RBMS3: variants seen among roughly 807,000 people sequenced by gnomAD.
RBMS3 encodes the protein RNA-binding motif, single-stranded-interacting protein 3.
A neutral mutation model predicts 66.8 loss-of-function variants in RBMS3; 27 were observed. That is an observed-to-expected ratio of 0.40 (90% CI 0.30 to 0.56). RBMS3 has a LOEUF of 0.56. Ranked by LOEUF, RBMS3 falls within the 20% of genes least tolerant of loss-of-function variation. The pLI is 0.40. For missense variants in RBMS3, 513 were observed against 549.5 expected, an observed-to-expected ratio of 0.93 and a Z score of 0.66; for synonymous variants, 188 against 183.0, an observed-to-expected ratio of 1.03 and a Z score of -0.22.
At chr3:29,851,143 G>A (rs1167711606) in intron 6 of RBMS3, among the ~76,000 whole-genome samples, 1 of 152,018 alleles carries the variant, frequency 6.6e-6, no homozygotes, top group Admixed American at 6.6e-5. Flanking sequence ...CTTCACAATT[G>A]AAGTTTTATT....
At chr3:29,445,495 A>G (rs73828653) in intron 2 of RBMS3, among the ~76,000 whole-genome samples, 7,879 of 151,754 alleles carry the variant, frequency 0.052, 501 homozygotes, top group Admixed American at 0.2. Context: ...AAATCTGCTA[A>G]TTCTATGTCT....
intron 6 of RBMS3, among the ~76,000 whole-genome samples, chr3:29,828,423 C>A: frequency 6.6e-6 from 1 of 152,100 alleles, no homozygotes; most frequent in South Asian, 2.1e-4. Flanking sequence ...ATTTACTCTT[C>A]TGAAACTGTT....
intron 13 of RBMS3, among the ~76,000 whole-genome samples, 185 bp from the exon 14 acceptor site, chr3:29,990,897 T>G (rs1280209183): frequency 6.6e-6 from 1 of 152,176 alleles, no homozygotes; most frequent in Non-Finnish European, 1.5e-5. Context: ...GGTGTCACAT[T>G]AGGATGAATT....
At chr3:29,833,261 T>C (rs1425132767) in intron 6 of RBMS3, among the ~76,000 whole-genome samples, 1 of 152,132 alleles carries the variant, frequency 6.6e-6, no homozygotes, top group African/African-American at 2.4e-5. Flanking sequence ...GAACATTAAA[T>C]AATCAAGAAA....
intron 1 of RBMS3, among the ~76,000 whole-genome samples, chr3:29,339,579 CTTTTT>C (rs57824638): frequency 2.0e-5 from 3 of 146,620 alleles, no homozygotes; most frequent in African/African-American, 5.0e-5. Context: ...TAGACTTTAA[CTTTTT>C]TTTTTTTTTA....
intron 4 of RBMS3, among the ~76,000 whole-genome samples, chr3:29,705,389 T>G (rs1293860031): frequency 1.1e-4 from 17 of 152,206 alleles, no homozygotes. Flanking sequence ...TTGTGTAATA[T>G]AAAGAATCAC....
At chr3:29,695,629 T>A (rs562756678) in intron 4 of RBMS3, among the ~76,000 whole-genome samples, 1 of 152,284 alleles carries the variant, frequency 6.6e-6, no homozygotes, top group African/African-American at 2.4e-5. Flanking sequence ...TTTAACAATT[T>A]CATGTGAAAA....
At chr3:29,484,368 C>T (rs1281794951) in intron 2 of RBMS3, among the ~76,000 whole-genome samples, 1 of 152,110 alleles carries the variant, frequency 6.6e-6, no homozygotes, top group Non-Finnish European at 1.5e-5. Context: ...CTTCTAAAGC[C>T]TTTCTCTTTT....
chr3:29,709,685 T>A (rs13327600), intron 4 of RBMS3, among the ~76,000 whole-genome samples: 18,338 of 152,218 alleles, frequency 0.12, 2,349 homozygotes, highest in African/African-American at 0.32. Flanking sequence ...ATCCAGAATC[T>A]CTTATGTTTG....
At chr3:29,547,041 T>C (rs1403704135) in intron 3 of RBMS3, among the ~76,000 whole-genome samples, 1 of 152,192 alleles carries the variant, frequency 6.6e-6, no homozygotes, top group Non-Finnish European at 1.5e-5. Context: ...AATAGCACAA[T>C]CATAGCTCAC....
intron 1 of RBMS3, among the ~76,000 whole-genome samples, chr3:29,295,316 CATATATATAT>C (rs1275197190): frequency 9.9e-5 from 9 of 91,100 alleles, no homozygotes; most frequent in South Asian, 7.8e-4. Flanking sequence ...TATATATATA[CATATATATAT>C]ACACACACAT....
intron 1 of RBMS3, among the ~76,000 whole-genome samples, chr3:29,375,533 A>G (rs2038420546): frequency 1.3e-5 from 2 of 152,252 alleles, no homozygotes; most frequent in South Asian, 4.1e-4. Context: ...CCCATTAAAA[A>G]GTGAACAAAT....
At chr3:29,646,929 G>A (rs888785154) in intron 4 of RBMS3, among the ~76,000 whole-genome samples, 1 of 152,102 alleles carries the variant, frequency 6.6e-6, no homozygotes, top group South Asian at 2.1e-4. Flanking sequence ...TGTTAGATAA[G>A]TGCAGGATAA....
chr3:29,982,678 G>A (rs933297053), intron 12 of RBMS3, among the ~76,000 whole-genome samples: 9 of 152,204 alleles, frequency 5.9e-5, no homozygotes, highest in Admixed American at 4.6e-4. Context: ...TTACCCAGTA[G>A]TCATTCAGGA....
chr3:29,501,596 G>T (rs1334918170), intron 3 of RBMS3, among the ~76,000 whole-genome samples: 1 of 152,150 alleles, frequency 6.6e-6, no homozygotes, highest in Admixed American at 6.6e-5. Context: ...TCAAGGGTCA[G>T]CCCTATCTGC....
At chr3:29,572,078 T>A (rs959387653) in intron 3 of RBMS3, among the ~76,000 whole-genome samples, 6 of 152,156 alleles carry the variant, frequency 3.9e-5, no homozygotes, top group Admixed American at 2.0e-4. Flanking sequence ...TTCAGATTGT[T>A]CCCTGTTGGC....
At chr3:29,399,636 G>A (rs13097126) in intron 1 of RBMS3, among the ~76,000 whole-genome samples, 1 of 152,010 alleles carries the variant, frequency 6.6e-6, no homozygotes, top group African/African-American at 2.4e-5. Flanking sequence ...CATGTTAAAG[G>A]CTTCAGTAAA....
chr3:29,284,405 G>A (rs1257951541), intron 1 of RBMS3, among the ~76,000 whole-genome samples: 1 of 152,038 alleles, frequency 6.6e-6, no homozygotes, highest in African/African-American at 2.4e-5. Flanking sequence ...GGATTGAAAT[G>A]TTTATTACTA....
chr3:29,791,854 A>T (rs2057023056), intron 6 of RBMS3, among the ~76,000 whole-genome samples: 1 of 152,096 alleles, frequency 6.6e-6, no homozygotes, highest in Admixed American at 6.6e-5. Flanking sequence ...AGCATAAAAT[A>T]AAAAAAACTT....
Sources: gnomAD v4.1 joint callset for allele counts (sites outside exome capture counted in the v4.1 genomes callset) on GRCh38, gnomAD v4.1.1 for gene constraint, MANE v1.5 for transcripts, NCBI Gene and HGNC (gene_info 2026-07-23, HGNC 2026-07-21) for gene names.